DYDC2: variants seen among roughly 807,000 people sequenced by gnomAD.
DYDC2 encodes DPY30 domain containing 2.
A neutral mutation model predicts 18.7 loss-of-function variants in DYDC2; 19 were observed. The observed-to-expected ratio is 1.02, with a 90% CI of 0.71 to 1.49. DYDC2 has a LOEUF of 1.49. Among genes scored for constraint, DYDC2 ranks in the 40% most tolerant of loss-of-function variants. DYDC2 has a pLI of 0.00. For synonymous variants in DYDC2, 63 were observed against 67.6 expected, an observed-to-expected ratio of 0.93 and a Z score of 0.34; for missense variants, 179 against 205.1, an observed-to-expected ratio of 0.87 and a Z score of 0.78.
At chr10:80,352,611 C>T (rs1843069108), upstream of DYDC2, 1 of 1,594,454 alleles carries the variant, frequency 6.3e-7, no homozygotes, top group Non-Finnish European at 8.5e-7. Flanking sequence ...TTTCTAACTC[C>T]TAAAAAGTAA....
intron 1 of DYDC2, among the ~76,000 whole-genome samples, chr10:80,347,133 T>C (rs969644503): frequency 2.0e-5 from 3 of 151,960 alleles, no homozygotes; most frequent in Non-Finnish European, 4.4e-5. Flanking sequence ...TGGTATCTCA[T>C]AGTGGTTTTG....
At chr10:80,349,253 A>C (rs1287512409) in intron 1 of DYDC2, among the ~76,000 whole-genome samples, 1 of 152,232 alleles carries the variant, frequency 6.6e-6, no homozygotes, top group Non-Finnish European at 1.5e-5. Context: ...ACTTCAACCA[A>C]GTGAAATGTT....
intron 2 of DYDC2, among the ~76,000 whole-genome samples, chr10:80,358,341 G>C (rs1329312681): frequency 6.6e-6 from 1 of 152,096 alleles, no homozygotes; most frequent in African/African-American, 2.4e-5. Flanking sequence ...TTGTGCCACT[G>C]CACTCCAGCC....
At chr10:80,345,915 T>C (rs1842592528) in intron 1 of DYDC2, among the ~76,000 whole-genome samples, 1 of 152,222 alleles carries the variant, frequency 6.6e-6, no homozygotes, top group South Asian at 2.1e-4. Context: ...GGGAGTGCAG[T>C]GGCACTGCCT....
At position 80,359,269 on chromosome 10, in the gene DYDC2, C is replaced by T. The variant is rs369481508; in HGVS notation, c.-10+1224C>T. On this transcript the variant is annotated intron_variant, in intron 2 of 4. Transcript: ENST00000256039. The stretch of plus-strand genomic sequence containing the variant: ...CCCACTAGATTAGCTAGACACAGAG[C>T]ACTGATTGGTGCATTTACAAACCTT... Among the ~76,000 whole-genome samples, 13 of 150,762 alleles carry T rather than the reference C, an allele frequency of 8.6e-5. No homozygotes were observed. The East Asian group carries it at 2.3e-3, about 27-fold the overall frequency.
In DYDC2 at chr10:80,358,040, C is replaced by G; in HGVS notation, c.-15C>G. ...AAACACTGAAAAATAGCCTCTCCCC[C>G]CATTGGTGAGTGTACCCTAAGTTGG... On this transcript the variant is annotated 5_prime_UTR_variant, in exon 2 of 5. Coordinates refer to ENST00000256039, the MANE Select transcript of DYDC2 (RefSeq NM_032372.6). 2 of 985,562 alleles carry G rather than the reference C, an allele frequency of 2.0e-6. No homozygotes were observed. The highest frequency in any genetic ancestry group is 2.4e-6 in the Non-Finnish European group (2 of 830,072). 61.1% of individuals were successfully genotyped at this position (985,562 alleles called of 1,614,324 possible).
At chr10:80,360,903 G>A (rs935583611) in intron 2 of DYDC2, among the ~76,000 whole-genome samples, 3 of 151,438 alleles carry the variant, frequency 2.0e-5, no homozygotes, top group African/African-American at 7.3e-5. Flanking sequence ...CCTCCAAGTA[G>A]CTGGGACTGC....
intron 2 of DYDC2, among the ~76,000 whole-genome samples, chr10:80,361,809 G>C (rs1465591650): frequency 6.6e-6 from 1 of 152,158 alleles, no homozygotes; most frequent in Non-Finnish European, 1.5e-5. Context: ...GTATTTTTTA[G>C]AATTTTCTTA....
Position 80,367,119 on chromosome 10 carries a change from G to C in DYDC2, c.*168G>C, listed in dbSNP as rs1034758949. 7.9e-6 allele frequency: 6 copies of C among 761,936 alleles called. No individual in the cohort carries two copies. The highest frequency in any genetic ancestry group is 1.2e-5 in the Non-Finnish European group (6 of 495,850). The allele number at this position is 761,936 out of a possible 1,614,324, so 47.2% of individuals were successfully genotyped here. On this transcript the variant is annotated 3_prime_UTR_variant, in exon 5 of 5. Transcript: ENST00000256039. ...CATGTGAACATTTGAACTAGTTATA[G>C]GATAAAATAAACTCAGAATAAGGAT...
chr10:80,353,282 GC>G (rs767784800), upstream of DYDC2, among the ~76,000 whole-genome samples: 6 of 151,676 alleles, frequency 4.0e-5, no homozygotes, highest in Non-Finnish European at 7.4e-5. Flanking sequence ...ATCTCTCCTG[GC>G]CCCAGCACAC....
upstream of DYDC2, among the ~76,000 whole-genome samples, chr10:80,353,435 T>C (rs892776080): frequency 6.6e-6 from 1 of 150,674 alleles, no homozygotes; most frequent in Admixed American, 6.6e-5. Flanking sequence ...GTGCTGGGAT[T>C]ACAGGCGTGA....
At chr10:80,347,357 C>T (rs1036079588) in intron 1 of DYDC2, among the ~76,000 whole-genome samples, 18 of 128,962 alleles carry the variant, frequency 1.4e-4, no homozygotes, top group Admixed American at 8.4e-4. Flanking sequence ...CCTTATCAGA[C>T]CTTATCAGAT....
upstream of DYDC2, among the ~76,000 whole-genome samples, chr10:80,355,635 T>C (rs373199594): frequency 6.6e-6 from 1 of 152,162 alleles, no homozygotes; most frequent in Non-Finnish European, 1.5e-5. Context: ...ATTATGCAGA[T>C]GTACAAGAGA....
chr10:80,354,171 T>C (rs1843197785), upstream of DYDC2, among the ~76,000 whole-genome samples: 2 of 150,332 alleles, frequency 1.3e-5, no homozygotes, highest in Middle Eastern at 6.9e-3. Flanking sequence ...TGATGAAATG[T>C]AATCAATTGT....
intron 4 of DYDC2, among the ~76,000 whole-genome samples, chr10:80,363,978 G>A (rs1474223208): frequency 1.3e-5 from 2 of 152,060 alleles, no homozygotes; most frequent in Admixed American, 6.6e-5. Flanking sequence ...CCTGAAAAAC[G>A]CCTTATGCTA....
At chr10:80,361,171 T>G (rs935484424) in intron 2 of DYDC2, among the ~76,000 whole-genome samples, 1 of 152,204 alleles carries the variant, frequency 6.6e-6, no homozygotes, top group African/African-American at 2.4e-5. Context: ...TTACTCTTTT[T>G]TTTTTCATAC....
chr10:80,366,788 G>A lies in DYDC2; in HGVS notation c.371G>A (p.Gly124Asp). Reference sequence around the variant, plus strand: ...GCCTTGAAGCAGGAATTCCTGCCAGGTACTTCCAGTCTGATTCCAGGAATG... The same window carrying A: ...GCCTTGAAGCAGGAATTCCTGCCAGATACTTCCAGTCTGATTCCAGGAATG... ...KEALKQEFLPGTSSLIPGMPQ... is the reference protein window; with the variant it reads ...KEALKQEFLPDTSSLIPGMPQ... The change falls in exon 5 of 5, where the codon GGT becomes GAT. Residue 124 changes from glycine to aspartate, a missense_variant. Transcript: ENST00000256039. The A allele has an allele frequency of 1.2e-6, 2 of 1,614,144 alleles. No individual in the cohort carries two copies. Among genetic ancestry groups the A allele is most frequent in the Non-Finnish European group, 1.7e-6 (2 of 1,180,020 alleles).
At chr10:80,352,910 G>A (rs1477371829), upstream of DYDC2, among the ~76,000 whole-genome samples, 1 of 152,108 alleles carries the variant, frequency 6.6e-6, no homozygotes, top group Non-Finnish European at 1.5e-5. Flanking sequence ...AGTAATGTGG[G>A]TCTCATGTAA....
chr10:80,345,837 A>T (rs1009872226), intron 1 of DYDC2, among the ~76,000 whole-genome samples: 2 of 152,174 alleles, frequency 1.3e-5, no homozygotes, highest in African/African-American at 4.8e-5. Flanking sequence ...AGATATATAT[A>T]TACAAGATAT....
Sources: gnomAD v4.1 joint callset for allele counts (sites outside exome capture counted in the v4.1 genomes callset) on GRCh38, gnomAD v4.1.1 for gene constraint, MANE v1.5 for transcripts, NCBI Gene and HGNC (gene_info 2026-07-23, HGNC 2026-07-21) for gene names.